Variants in SPAG16 observed in about 807,000 individuals in gnomAD.
SPAG16 encodes the protein sperm-associated antigen 16 protein.
In SPAG16, 86 loss-of-function variants were observed where a neutral mutation model predicts 80.4. That is an observed-to-expected ratio of 1.07 (90% CI 0.90 to 1.28). The LOEUF is 1.28. Ranked by LOEUF, SPAG16 falls within the 50% of genes most tolerant of loss-of-function variation. The pLI, the probability that SPAG16 is intolerant of heterozygous loss-of-function variation, is 0.00. For missense variants in SPAG16, 870 were observed against 765.3 expected (o/e 1.14, Z -1.61); for synonymous variants, 294 against 265.9 (o/e 1.11, Z -1.03).
At chr2:213,452,319 C>T (rs926486692) in intron 9 of SPAG16, among the ~76,000 whole-genome samples, 3 of 152,172 alleles carry the variant, frequency 2.0e-5, no homozygotes, top group South Asian at 2.1e-4. Context: ...TACCTTGGTA[C>T]GTATTTCAGT....
At chr2:213,335,708 T>C (rs1575240835) in intron 5 of SPAG16, among the ~76,000 whole-genome samples, 1 of 152,276 alleles carries the variant, frequency 6.6e-6, no homozygotes, top group Non-Finnish European at 1.5e-5. Context: ...TTCTTGCACG[T>C]ATAAGATTGT....
intron 10 of SPAG16, among the ~76,000 whole-genome samples, chr2:213,662,571 A>G (rs953881): frequency 0.27 from 40,535 of 152,040 alleles, 6,312 homozygotes; most frequent in Middle Eastern, 0.41. Flanking sequence ...GGAATATAAT[A>G]TGACATATTT....
At chr2:213,629,984 C>T (rs2062087107) in intron 10 of SPAG16, among the ~76,000 whole-genome samples, 1 of 152,228 alleles carries the variant, frequency 6.6e-6, no homozygotes, top group African/African-American at 2.4e-5. Flanking sequence ...GTTAACTAGT[C>T]TGTCACTATT....
intron 12 of SPAG16, among the ~76,000 whole-genome samples, chr2:213,982,384 C>T (rs906088522): frequency 6.6e-6 from 1 of 151,750 alleles, no homozygotes; most frequent in East Asian, 1.9e-4. Flanking sequence ...CTATTATATT[C>T]TCAATTTTAC....
intron 10 of SPAG16, among the ~76,000 whole-genome samples, chr2:213,695,770 T>G (rs948609819): frequency 6.6e-6 from 1 of 152,172 alleles, no homozygotes; most frequent in African/African-American, 2.4e-5. Context: ...GGACTTGGTG[T>G]GTTTCATCAA....
intron 15 of SPAG16, among the ~76,000 whole-genome samples, chr2:214,193,953 A>G (rs1372667461): frequency 1.3e-5 from 2 of 152,086 alleles, no homozygotes; most frequent in African/African-American, 4.8e-5. Context: ...AAAGCAATGC[A>G]CCATTCAGAT....
intron 15 of SPAG16, among the ~76,000 whole-genome samples, chr2:214,231,124 C>G (rs983346360): frequency 3.3e-5 from 5 of 151,942 alleles, no homozygotes; most frequent in African/African-American, 1.2e-4. Context: ...GTTGGAATAA[C>G]CAACCATGTC....
chr2:213,622,086 C>T (rs771289874), intron 10 of SPAG16, among the ~76,000 whole-genome samples: 2 of 152,186 alleles, frequency 1.3e-5, no homozygotes, highest in African/African-American at 2.4e-5. Flanking sequence ...CTCAACAATA[C>T]ACCTGAACAA....
intron 12 of SPAG16, among the ~76,000 whole-genome samples, chr2:213,963,165 G>T (rs1294786679): frequency 1.3e-5 from 2 of 150,296 alleles, no homozygotes; most frequent in Admixed American, 1.3e-4. Context: ...TAAAAAATAA[G>T]CACCAACATT....
chr2:214,162,461 TATTACAGGGAAGAAGTAAGTA>T (rs1248907120), intron 15 of SPAG16, among the ~76,000 whole-genome samples: 1 of 152,084 alleles, frequency 6.6e-6, no homozygotes, highest in Non-Finnish European at 1.5e-5. Flanking sequence ...TTTTTAACCC[TATTACAGGGAAGAAGTAAGTA>T]CTGGGAACAA....
chr2:213,399,884 C>A lies in SPAG16; in HGVS notation c.942+24765C>A, dbSNP rs1015853526. ...TATAAATTCTGAAGTAATATGCTTA[C>A]ATGAATATGACCATTTCATCTGAGT... On this transcript the variant is annotated intron_variant, in intron 9 of 15. Coordinates refer to ENST00000331683, the MANE Select transcript of SPAG16 (RefSeq NM_024532.5). Among the ~76,000 whole-genome samples the A allele has an allele frequency of 3.3e-5, 5 of 152,038 alleles. No individual in the cohort carries two copies. The East Asian group carries it at 7.7e-4, about 23-fold the overall frequency.
chr2:213,464,050 G>A (rs1484422421), intron 9 of SPAG16, among the ~76,000 whole-genome samples: 1 of 152,190 alleles, frequency 6.6e-6, no homozygotes, highest in Non-Finnish European at 1.5e-5. Context: ...AGGTGGCCTT[G>A]GTTCATGGGT....
intron 9 of SPAG16, among the ~76,000 whole-genome samples, chr2:213,416,224 C>G (rs2069244979): frequency 6.6e-6 from 1 of 152,182 alleles, no homozygotes; most frequent in Non-Finnish European, 1.5e-5. Flanking sequence ...AAAGTCCTAG[C>G]CTGTGGTACA....
At chr2:214,332,023 G>C (rs1378713113) in intron 15 of SPAG16, among the ~76,000 whole-genome samples, 1 of 152,186 alleles carries the variant, frequency 6.6e-6, no homozygotes, top group Non-Finnish European at 1.5e-5. Flanking sequence ...AGGCTGAGGT[G>C]GGCAGATCAC....
intron 13 of SPAG16, among the ~76,000 whole-genome samples, chr2:214,079,183 A>G (rs1020468979): frequency 1.3e-5 from 2 of 152,224 alleles, no homozygotes; most frequent in Non-Finnish European, 2.9e-5. Flanking sequence ...ACCACTGAGA[A>G]AAAAAGAAAA....
At chr2:214,280,775 A>T (rs1692865442) in intron 15 of SPAG16, 6 of 447,828 alleles carry the variant, frequency 1.3e-5, no homozygotes, top group South Asian at 1.1e-4. Context: ...CATAGACTAG[A>T]TTCTCTCATA....
At position 213,560,043 on chromosome 2, in the gene SPAG16, C is replaced by T. The variant is rs535769767; in HGVS notation, c.1070+69953C>T. On this transcript the variant is annotated intron_variant, in intron 10 of 15. Coordinates refer to ENST00000331683, the MANE Select transcript of SPAG16 (RefSeq NM_024532.5). ...CCAGCCTGGATATGGATACATATGG[C>T]TCATATATTGTTTATATATTATAAA... is the stretch of plus-strand genomic sequence containing the variant. 1.6e-3 allele frequency among the ~76,000 whole-genome samples: 239 copies of T among 152,100 alleles called. 1 individual carries two copies. The highest frequency in any genetic ancestry group is 2.9e-3 in the Non-Finnish European group (196 of 67,966).
intron 12 of SPAG16, among the ~76,000 whole-genome samples, chr2:213,981,839 G>GTAAATTTGTTGTAAA (rs1473099927): frequency 6.6e-6 from 1 of 151,838 alleles, no homozygotes. Flanking sequence ...AATCAAATGA[G>GTAAATTTGTTGTAAA]TTAGTTGACA....
At chr2:214,388,286 T>A (rs7588604) in intron 15 of SPAG16, among the ~76,000 whole-genome samples, 12,156 of 152,034 alleles carry the variant, frequency 0.08, 1,569 homozygotes, top group African/African-American at 0.27. Flanking sequence ...AAAAAAAAAT[T>A]ATTAATAGAA....
Sources: allele counts gnomAD v4.1 joint callset (sites outside exome capture counted in the v4.1 genomes callset), GRCh38; gene constraint gnomAD v4.1.1; transcripts MANE v1.5; gene names NCBI Gene and HGNC (gene_info 2026-07-23, HGNC 2026-07-21).